The following CFAP43 variants were observed in gnomAD, a reference collection of about 807,000 sequenced individuals.
CFAP43 encodes cilia and flagella associated protein 43.
A neutral mutation model predicts 218.9 loss-of-function variants in CFAP43; 155 were observed. The observed-to-expected ratio is 0.71, with a 90% confidence interval of 0.62 to 0.81. The LOEUF (loss-of-function observed/expected upper bound fraction) is 0.81. Ranked by LOEUF, CFAP43 falls within the 30% of genes least tolerant of loss-of-function variation. The pLI is 0.00. For missense variants in CFAP43, 1,778 were observed against 1,954.3 expected, an observed-to-expected ratio of 0.91 and a Z score of 1.70; for synonymous variants, 645 against 681.3, an observed-to-expected ratio of 0.95 and a Z score of 0.83.
chr10:104,161,247 C>T, intron 26 of CFAP43, 85 bp from the exon 27 acceptor site: 1 of 1,440,862 alleles, frequency 6.9e-7, no homozygotes, highest in South Asian at 1.4e-5. Context: ...TTTTAAAAAG[C>T]CCTTTAAAAG....
intron 8 of CFAP43, among the ~76,000 whole-genome samples, chr10:104,201,922 T>TA (rs1292775241): frequency 2.0e-5 from 3 of 152,200 alleles, no homozygotes; most frequent in African/African-American, 7.2e-5. Context: ...TGAAAAGATG[T>TA]TTTCATTGGG....
At position 104,161,954 on chromosome 10, in the gene CFAP43, A is replaced by G; in HGVS notation, c.3414+7T>C. 1 of 1,612,066 alleles carries G rather than the reference A, an allele frequency of 6.2e-7. No individual in the cohort carries two copies. Among genetic ancestry groups the G allele is most frequent in the Non-Finnish European group, 8.5e-7 (1 of 1,179,080 alleles). ...CCACCTTCTATAAGGATGAACAGAA[A>G]TATCACCATTCTCAAAATATCTTCC... On this transcript the variant is annotated splice_region_variant and intron_variant, in intron 26 of 37. Coordinates refer to ENST00000357060, the MANE Select transcript of CFAP43 (RefSeq NM_025145.7).
intron 19 of CFAP43, among the ~76,000 whole-genome samples, chr10:104,173,405 C>T (rs535188992): frequency 6.6e-6 from 1 of 152,202 alleles, no homozygotes; most frequent in African/African-American, 2.4e-5. Context: ...CAGCACTCAA[C>T]AACGAGTGGA....
intron 28 of CFAP43, among the ~76,000 whole-genome samples, chr10:104,150,577 T>C (rs140265727): frequency 2.9e-4 from 44 of 152,292 alleles, no homozygotes; most frequent in African/African-American, 8.4e-4. Context: ...CCTGGGGATA[T>C]AGTCATCCTC....
intron 35 of CFAP43, chr10:104,132,834 G>C: frequency 1.0e-6 from 1 of 969,600 alleles, no homozygotes; most frequent in Non-Finnish European, 1.2e-6. Context: ...TAAAGACACT[G>C]AGGGAGATAC....
chr10:104,154,446 A>G (rs1307380543), intron 27 of CFAP43, among the ~76,000 whole-genome samples: 1 of 152,224 alleles, frequency 6.6e-6, no homozygotes, highest in African/African-American at 2.4e-5. Context: ...TGAAAATAAA[A>G]CAAACAAATA....
intron 7 of CFAP43, among the ~76,000 whole-genome samples, chr10:104,205,196 G>C (rs2134954159): frequency 8.4e-6 from 1 of 119,454 alleles, no homozygotes; most frequent in East Asian, 2.6e-4. Flanking sequence ...CTGGGAGACA[G>C]AGCGAGACTC....
At chr10:104,150,548 G>T (rs532815936) in intron 28 of CFAP43, among the ~76,000 whole-genome samples, 2 of 152,226 alleles carry the variant, frequency 1.3e-5, no homozygotes, top group East Asian at 3.9e-4. Flanking sequence ...CCTTTTCAGT[G>T]TACCATTCCT....
intron 20 of CFAP43, among the ~76,000 whole-genome samples, chr10:104,169,107 T>C (rs959303474): frequency 4.6e-5 from 7 of 151,996 alleles, no homozygotes; most frequent in African/African-American, 1.7e-4. Flanking sequence ...CCTCTAAGGA[T>C]GGTCGGGTTG....
chr10:104,211,472 G>A (rs1382838163), intron 5 of CFAP43, among the ~76,000 whole-genome samples: 3 of 152,184 alleles, frequency 2.0e-5, no homozygotes, highest in African/African-American at 7.2e-5. Flanking sequence ...ACTTTCTTCT[G>A]CTGTTTCCTA....
intron 21 of CFAP43, 61 bp from the exon 22 acceptor site, chr10:104,167,798 G>A: frequency 8.2e-7 from 1 of 1,215,080 alleles, no homozygotes; most frequent in Non-Finnish European, 1.2e-6. Flanking sequence ...GTGTATCTGG[G>A]GTTGAGTAGG....
intron 30 of CFAP43, among the ~76,000 whole-genome samples, 168 bp from the exon 31 acceptor site, chr10:104,145,732 A>C (rs1269870528): frequency 6.6e-6 from 1 of 152,240 alleles, no homozygotes; most frequent in Non-Finnish European, 1.5e-5. Context: ...TGATGTCTCA[A>C]AGATTTGTTT....
At chr10:104,232,075 T>G in intron 1 of CFAP43, 107 bp downstream of exon 1, 3 of 1,326,154 alleles carry the variant, frequency 2.3e-6, no homozygotes, top group Non-Finnish European at 2.1e-6. Flanking sequence ...AGGTCGAAGC[T>G]GCGGGGAAAG....
intron 27 of CFAP43, among the ~76,000 whole-genome samples, chr10:104,158,494 TG>T (rs1434194413): frequency 6.6e-6 from 1 of 152,084 alleles, no homozygotes; most frequent in Non-Finnish European, 1.5e-5. Context: ...AAATTCAACT[TG>T]GGGGACATGC....
intron 19 of CFAP43, among the ~76,000 whole-genome samples, chr10:104,173,686 GAC>G (rs1344142083): frequency 4.6e-5 from 7 of 152,192 alleles, no homozygotes; most frequent in African/African-American, 1.7e-4. Flanking sequence ...GGGATGCCAA[GAC>G]ACTTCCCAAC....
chr10:104,178,346 C>T (rs1258094609), intron 19 of CFAP43, among the ~76,000 whole-genome samples: 1 of 152,108 alleles, frequency 6.6e-6, no homozygotes, highest in Non-Finnish European at 1.5e-5. Flanking sequence ...TTGAATAGGT[C>T]ATAGAAGGGC....
chr10:104,180,065 T>C, intron 17 of CFAP43, 133 bp from the exon 18 acceptor site: 1 of 696,652 alleles, frequency 1.4e-6, no homozygotes, highest in Non-Finnish European at 2.5e-6. Context: ...ATCTCCAACA[T>C]TTTGTCTGCC....
At chr10:104,189,943 G>A (rs1397238745) in intron 12 of CFAP43, among the ~76,000 whole-genome samples, 1 of 152,054 alleles carries the variant, frequency 6.6e-6, no homozygotes, top group Non-Finnish European at 1.5e-5. Flanking sequence ...CAAGGCGGGC[G>A]GATCATGAGG....
At chr10:104,224,199 A>G (rs952141973) in intron 3 of CFAP43, among the ~76,000 whole-genome samples, 1 of 151,804 alleles carries the variant, frequency 6.6e-6, no homozygotes, top group South Asian at 2.1e-4. Context: ...ACCTGCCACC[A>G]TACCCAGCTA....
Sources: allele counts gnomAD v4.1 joint callset (sites outside exome capture counted in the v4.1 genomes callset), GRCh38; gene constraint gnomAD v4.1.1; transcripts MANE v1.5; gene names NCBI Gene and HGNC (gene_info 2026-07-23, HGNC 2026-07-21).